The following OCA2 variants were observed in gnomAD, a reference collection of about 807,000 sequenced individuals.
OCA2 encodes the protein OCA2 melanosomal transmembrane protein.
OCA2 carries 77 observed loss-of-function variants against 100.2 expected under a neutral mutation model. The ratio of observed to expected loss-of-function variants is 0.77; its 90% CI spans 0.64 to 0.93. The LOEUF is 0.93. Ranked by LOEUF, OCA2 falls within the 40% of genes least tolerant of loss-of-function variation. The pLI, the probability that OCA2 is intolerant of heterozygous loss-of-function variation, is 0.00. For missense variants in OCA2, 1,062 were observed against 1,089.1 expected (o/e 0.98, Z 0.35); for synonymous variants, 432 against 439.2 (o/e 0.98, Z 0.21).
chr15:27,899,813 A>C (rs976530096), intron 19 of OCA2, among the ~76,000 whole-genome samples: 1 of 152,298 alleles, frequency 6.6e-6, no homozygotes, highest in Non-Finnish European at 1.5e-5. Flanking sequence ...CAAATTACCA[A>C]TGAATGTCAC....
chr15:27,789,915 C>G (rs1456396757), intron 23 of OCA2, among the ~76,000 whole-genome samples: 1 of 152,076 alleles, frequency 6.6e-6, no homozygotes, highest in African/African-American at 2.4e-5. Context: ...ATACTAAAGG[C>G]ATGATCCCCA....
the OCA2 span, among the ~76,000 whole-genome samples, chr15:27,747,476 G>A: frequency 2.0e-5 from 3 of 152,182 alleles, no homozygotes; most frequent in African/African-American, 7.2e-5. Context: ...AACACTGCTG[G>A]TTTTAGATGT....
intron 23 of OCA2, among the ~76,000 whole-genome samples, chr15:27,770,684 C>T (rs1228507387): frequency 1.3e-5 from 2 of 152,116 alleles, no homozygotes; most frequent in East Asian, 3.9e-4. Context: ...GCGGTGGCTT[C>T]GGCCCTCTCC....
At chr15:28,086,251 A>G (rs1003926050) in intron 1 of OCA2, among the ~76,000 whole-genome samples, 1 of 152,180 alleles carries the variant, frequency 6.6e-6, no homozygotes, top group Admixed American at 6.5e-5. Context: ...CAGGGCATTC[A>G]CTTCTGCTCA....
Position 27,926,167 on chromosome 15 carries a change from G to T in OCA2, c.2039C>A (p.Ala680Glu). The change falls in exon 19 of 24, where the codon GCA (alanine) becomes GAA (glutamate). Residue 680 changes from alanine to glutamate, a missense_variant. By Grantham distance (107) the Ala-to-Glu change is moderately radical (BLOSUM62 -1). Transcript: ENST00000354638. ...GAGCGCTGCAAAAAACAGAAGGGTT[G>T]CCCATTCCACTCTGTGTAGAATTAT... ...FEIILHRVEW[A>E]TLLFFAALFV... The T allele has an allele frequency of 6.2e-7, 1 of 1,614,080 alleles. No individual in the cohort carries two copies. Among genetic ancestry groups the T allele is most frequent in the Non-Finnish European group, 8.5e-7 (1 of 1,179,952 alleles).
At chr15:27,974,529 G>T (rs982836975) in intron 14 of OCA2, among the ~76,000 whole-genome samples, 1 of 152,186 alleles carries the variant, frequency 6.6e-6, no homozygotes, top group African/African-American at 2.4e-5. Flanking sequence ...CACTTTGGGA[G>T]GCCGAGGCAG....
At chr15:27,833,251 T>G (rs1245508684) in intron 23 of OCA2, among the ~76,000 whole-genome samples, 1 of 152,268 alleles carries the variant, frequency 6.6e-6, no homozygotes, top group East Asian at 1.9e-4. Context: ...GAGGAAAGTT[T>G]AGGCCAAGCT....
At chr15:27,896,048 T>C (rs772260490) in intron 19 of OCA2, 135 of 1,179,342 alleles carry the variant, frequency 1.1e-4, no homozygotes, top group Non-Finnish European at 1.6e-4. Context: ...AAAAGATCTA[T>C]GAAGGCCAAG....
intron 3 of OCA2, among the ~76,000 whole-genome samples, chr15:28,030,744 C>T (rs115207476): frequency 1.8e-4 from 27 of 152,236 alleles, no homozygotes; most frequent in African/African-American, 6.3e-4. Flanking sequence ...CAGGTACACA[C>T]CATCAGTGGG....
chr15:27,833,713 G>A (rs2035045488), intron 23 of OCA2, among the ~76,000 whole-genome samples: 2 of 152,146 alleles, frequency 1.3e-5, no homozygotes, highest in South Asian at 2.1e-4. Flanking sequence ...TTGATCCGTG[G>A]AAAGGCAGAG....
At chr15:28,044,461 A>G (rs548645763) in intron 2 of OCA2, among the ~76,000 whole-genome samples, 18 of 152,324 alleles carry the variant, frequency 1.2e-4, no homozygotes, top group African/African-American at 4.3e-4. Flanking sequence ...GTGGCCTGGC[A>G]TGGACCTGAC....
At chr15:28,037,824 T>G (rs550823987) in intron 2 of OCA2, among the ~76,000 whole-genome samples, 2 of 152,166 alleles carry the variant, frequency 1.3e-5, no homozygotes, top group East Asian at 3.9e-4. Flanking sequence ...AGCCCTTCCC[T>G]CCCACCAGAA....
chr15:27,919,082 T>C (rs917980723), intron 19 of OCA2, among the ~76,000 whole-genome samples: 1 of 152,180 alleles, frequency 6.6e-6, no homozygotes, highest in Non-Finnish European at 1.5e-5. Context: ...CATCATATAG[T>C]TCTCCTCAAA....
chr15:28,097,889 C>T (rs2045016061), intron 1 of OCA2, among the ~76,000 whole-genome samples: 1 of 152,220 alleles, frequency 6.6e-6, no homozygotes, highest in Non-Finnish European at 1.5e-5. Flanking sequence ...TCCCAACCCC[C>T]CAGCCACAGT....
Position 28,054,013 on chromosome 15 carries a change from T to C in OCA2, c.228-21850A>G, listed in dbSNP as rs79354521. The stretch of plus-strand genomic sequence containing the variant: ...CTATATGAGTGTGGGTGTGTGTTTG[T>C]AAATGTGTATATATGTATGTGTATA... On this transcript the variant is annotated intron_variant, in intron 2 of 23. Coordinates refer to ENST00000354638, the MANE Select transcript of OCA2 (RefSeq NM_000275.3). Among the ~76,000 whole-genome samples, 1,322 of 152,280 alleles carry C rather than the reference T, an allele frequency of 8.7e-3. 13 individuals are homozygous for C. Among genetic ancestry groups the C allele is most frequent in the African/African-American group, 0.03 (1,235 of 41,562 alleles).
At chr15:27,936,508 G>T (rs111452341) in intron 18 of OCA2, among the ~76,000 whole-genome samples, 1 of 152,026 alleles carries the variant, frequency 6.6e-6, no homozygotes, top group African/African-American at 2.4e-5. Context: ...TATAATCTTC[G>T]TGTCTTCCTG....
At chr15:28,052,942 T>C (rs2043561902) in intron 2 of OCA2, among the ~76,000 whole-genome samples, 1 of 152,162 alleles carries the variant, frequency 6.6e-6, no homozygotes, top group Non-Finnish European at 1.5e-5. Context: ...GTGAAGACCG[T>C]AGAAGCAGAC....
chr15:27,847,922 C>G (rs2035596880), intron 22 of OCA2, among the ~76,000 whole-genome samples: 1 of 152,226 alleles, frequency 6.6e-6, no homozygotes, highest in Non-Finnish European at 1.5e-5. Flanking sequence ...GTGGCGCCGT[C>G]AGGACCTGCT....
At position 28,043,905 on chromosome 15, in the gene OCA2, C is replaced by T. The variant is rs1300829873; in HGVS notation, c.228-11742G>A. ...TCATGTTAATGAATGATGTGCAGGCCATGAGTTAAAAGCTGTATCTTTTCC... is the reference window on the plus strand; with the variant it reads ...TCATGTTAATGAATGATGTGCAGGCTATGAGTTAAAAGCTGTATCTTTTCC... On this transcript the variant is annotated intron_variant, in intron 2 of 23. Coordinates refer to ENST00000354638, the MANE Select transcript of OCA2 (RefSeq NM_000275.3). The surrounding 1 kb of genome is among the most constrained non-coding windows in gnomAD (Gnocchi z 4.4). Among the ~76,000 whole-genome samples, 1 of 152,170 alleles carries T rather than the reference C, an allele frequency of 6.6e-6. No individual in the cohort carries two copies. Among genetic ancestry groups the T allele is most frequent in the Non-Finnish European group, 1.5e-5 (1 of 68,032 alleles).
Sources: allele counts gnomAD v4.1 joint callset (sites outside exome capture counted in the v4.1 genomes callset), GRCh38; gene constraint gnomAD v4.1.1; non-coding constraint Gnocchi (gnomAD v3.1); transcripts MANE v1.5; gene names NCBI Gene and HGNC (gene_info 2026-07-23, HGNC 2026-07-21).